The following TNC variants were observed in gnomAD, a reference collection of about 807,000 sequenced individuals.
TNC encodes tenascin C, also known as tenascin.
A neutral mutation model predicts 202.4 loss-of-function variants in TNC; 109 were observed. The ratio of observed to expected loss-of-function variants is 0.54; its 90% CI spans 0.46 to 0.63. TNC has a LOEUF of 0.63. Among genes scored for constraint, TNC ranks in the 30% least tolerant of loss-of-function variants. The probability of loss-of-function intolerance (pLI) is 0.00; values close to 1 mark genes in which losing one functional copy is unlikely to be tolerated. For synonymous variants in TNC, 1,007 were observed against 1,089.7 expected (o/e 0.92, Z 1.50); for missense variants, 2,756 against 2,833.3 (o/e 0.97, Z 0.62).
rs575644293 is a variant in TNC at position 115,038,284 on chromosome 9, A to G, written c.5489T>C (p.Val1830Ala). 10 of 1,613,988 alleles carry G rather than the reference A, an allele frequency of 6.2e-6. No individual in the cohort carries two copies. The highest frequency in any genetic ancestry group is 8.5e-6 in the Non-Finnish European group (10 of 1,179,968). ...ACCTTTCTCGCCTGTGTAGGAGATG[A>G]CATAACTGTCCACAGTGGCAATGGC... Reference protein sequence around the residue: ...QPAIATVDSYVISYTGEKVPE... With the variant: ...QPAIATVDSYAISYTGEKVPE... Residue 1830 changes from valine (V) to alanine (A), a missense_variant, in exon 20 of 28, where the codon GTC becomes GCC. This residue lies in a region of TNC where 2,559 missense variants were observed against 2,546.0 expected (regional missense o/e 1.01). Coordinates refer to ENST00000350763, the MANE Select transcript of TNC (RefSeq NM_002160.4).
chr9:115,076,052 G>A lies in TNC; in HGVS notation c.2930C>T (p.Ala977Val), dbSNP rs369919259. 1.1e-5 allele frequency: 17 copies of A among 1,614,070 alleles called. No homozygotes were observed. The highest frequency in any genetic ancestry group is 4.0e-5 in the African/African-American group (3 of 75,020). The change falls in exon 9 of 28, where the codon GCG (alanine) becomes GTG (valine). Residue 977 changes from alanine (A) to valine (V), a missense_variant. By Grantham distance (64) the Ala-to-Val change is moderately conservative. Around this residue, in one of 2 missense-constraint regions of TNC, gnomAD observed 2,559 missense variants for 2,546.0 expected, o/e 1.01. Coordinates refer to ENST00000350763, the MANE Select transcript of TNC (RefSeq NM_002160.4). ...AVKEDKESNPATINAATELDT... is the reference protein window; with the variant it reads ...AVKEDKESNPVTINAATELDT... ...CCCACCTGTGGCTGCGTTGATGGTC[G>A]CTGGATTGCTCTCCTTGTCTTCCTT...
At chr9:115,042,435 T>C (rs543400325) in intron 17 of TNC, 94 bp from the exon 18 acceptor site, 2 of 1,526,286 alleles carry the variant, frequency 1.3e-6, no homozygotes, top group South Asian at 1.2e-5. Flanking sequence ...GAAAACTCAG[T>C]GCCTAGAATT....
At chr9:115,042,043 C>CT (rs1253107061) in intron 18 of TNC, among the ~76,000 whole-genome samples, 176 bp downstream of exon 18, 31 of 152,224 alleles carry the variant, frequency 2.0e-4, no homozygotes, top group Admixed American at 2.0e-3. Flanking sequence ...AAAGTTTCTT[C>CT]TAAGAACCTC....
chr9:115,072,046 C>T (rs1353039318), intron 10 of TNC, among the ~76,000 whole-genome samples: 1 of 152,214 alleles, frequency 6.6e-6, no homozygotes, highest in Non-Finnish European at 1.5e-5. Context: ...TCATTGTCTG[C>T]CAAATTTCTC....
At chr9:115,113,224 T>C (rs1168025631) in intron 1 of TNC, among the ~76,000 whole-genome samples, 1 of 152,146 alleles carries the variant, frequency 6.6e-6, no homozygotes, top group Non-Finnish European at 1.5e-5. Flanking sequence ...AGAAGATGAA[T>C]AGAATTAGGG....
chr9:115,064,037 C>T lies in TNC; in HGVS notation c.3519G>A (p.Val1173=), dbSNP rs1236252873. ...GETPNLGEVV[V]AEVGWDALKL... is the part of the protein sequence containing the mutation. ...TGAGGGCATCCCAGCCCACCTCGGC[C>T]ACCACGACCTCTCCCAAATTGGGAG... Residue 1173 remains valine (V), a synonymous_variant, in exon 12 of 28, where the codon GTG becomes GTA. Transcript: ENST00000350763. 6.2e-7 allele frequency: 1 copy of T among 1,611,696 alleles called. No individual in the cohort carries two copies. The highest frequency in any genetic ancestry group is 1.1e-5 in the South Asian group (1 of 90,712).
At chr9:115,069,941 G>T (rs1186191745) in intron 10 of TNC, among the ~76,000 whole-genome samples, 4 of 151,250 alleles carry the variant, frequency 2.6e-5, no homozygotes, top group Non-Finnish European at 2.9e-5. Context: ...AAGAATTGGG[G>T]TGTTAATGCA....
At chr9:115,067,423 G>A (rs1833037327) in intron 10 of TNC, among the ~76,000 whole-genome samples, 1 of 152,184 alleles carries the variant, frequency 6.6e-6, no homozygotes, top group African/African-American at 2.4e-5. Flanking sequence ...TTAAGTTACT[G>A]TCTTTTTTCT....
chr9:115,045,807 G>A (rs1266678988), intron 17 of TNC, among the ~76,000 whole-genome samples: 3 of 151,806 alleles, frequency 2.0e-5, no homozygotes, highest in East Asian at 1.9e-4. Context: ...CAAAGTTAGA[G>A]AGCTTCATAA....
intron 7 of TNC, 43 bp downstream of exon 7, chr9:115,077,900 A>C (rs2133202095): frequency 6.3e-7 from 1 of 1,577,810 alleles, no homozygotes; most frequent in East Asian, 2.3e-5. Context: ...AAATCTTTCA[A>C]TCTTTCCTTT....
intron 1 of TNC, among the ~76,000 whole-genome samples, chr9:115,116,953 A>G (rs1837513157): frequency 6.6e-6 from 1 of 152,206 alleles, no homozygotes; most frequent in Admixed American, 6.5e-5. Context: ...TTTAACTTCC[A>G]GAGTGATGGC....
At chr9:115,110,369 C>T (rs1041917288) in intron 1 of TNC, among the ~76,000 whole-genome samples, 1 of 151,940 alleles carries the variant, frequency 6.6e-6, no homozygotes, top group African/African-American at 2.4e-5. Context: ...AATCTTGAGG[C>T]CCAGGAATGT....
In TNC at chr9:115,073,641, C is replaced by T; in HGVS notation, c.3176G>A (p.Arg1059Lys). ...CACACGTGCGGGCTTGCTCTTGTGT[C>T]TGCCTTTCTCGGCTGTCAGGAGGAC... The part of the protein sequence containing the change: ...YNVLLTAEKG[R>K]HKSKPARVKA... The change falls in exon 10 of 28, where the codon AGA (arginine) becomes AAA (lysine). Residue 1059 changes from arginine (R) to lysine (K), a missense_variant. Coordinates refer to ENST00000350763, the MANE Select transcript of TNC (RefSeq NM_002160.4). 1.2e-6 allele frequency: 2 copies of T among 1,614,172 alleles called. No individual in the cohort carries two copies. The highest frequency in any genetic ancestry group is 1.7e-6 in the Non-Finnish European group (2 of 1,180,024).
rs139271663 is a variant in TNC at position 115,116,879 on chromosome 9, G to A, written c.-137+1103C>T. On this transcript the variant is annotated intron_variant, in intron 1 of 27. Transcript: ENST00000350763. The stretch of plus-strand genomic sequence containing the variant: ...CCTCAGATTGGGTGAGATAAAAAGC[G>A]GGGGCTGGGGGCGGGCTGAGGAACA... 1.1e-3 allele frequency among the ~76,000 whole-genome samples: 165 copies of A among 152,266 alleles called. 3 individuals are homozygous for A. The East Asian group carries it at 0.029, about 27-fold the overall frequency.
intron 15 of TNC, among the ~76,000 whole-genome samples, chr9:115,056,110 C>T (rs556290103): frequency 1.1e-4 from 17 of 152,300 alleles, no homozygotes; most frequent in African/African-American, 2.2e-4. Flanking sequence ...TTTGATGCTA[C>T]GATGTCAACC....
rs1382823503 is a variant in TNC at position 115,086,720 on chromosome 9, T to C, written c.1011A>G (p.Thr337=). The change falls in exon 3 of 28, where the codon ACA becomes ACG. Residue 337 remains threonine (T), a synonymous_variant. Coordinates refer to ENST00000350763, the MANE Select transcript of TNC (RefSeq NM_002160.4). ...NGTCYCEEGF[T]GEDCGKPTCP... is the part of the protein sequence containing the mutation. ...AGGTGGGTTTCCCGCAGTCTTCACCTGTGAAGCCTTCTTCGCAGTAGCAGG... is the reference window on the plus strand; with the variant it reads ...AGGTGGGTTTCCCGCAGTCTTCACCCGTGAAGCCTTCTTCGCAGTAGCAGG... 1 of 1,613,986 alleles carries C rather than the reference T, an allele frequency of 6.2e-7. No homozygotes were observed. Among genetic ancestry groups the C allele is most frequent in the Non-Finnish European group, 8.5e-7 (1 of 1,179,996 alleles).
Position 115,086,601 on chromosome 9 carries a change from C to G in TNC, c.1130G>C (p.Cys377Ser), listed in dbSNP as rs747820616. ...GCCACGATTGTGACAGTCAGCAGGA[C>G]ACCTCTTCTCGCTGCAGTCCACACC... Reference protein sequence around the residue: ...FAGVDCSEKRCPADCHNRGRC... With the variant: ...FAGVDCSEKRSPADCHNRGRC... The change falls in exon 3 of 28, where the codon TGT (cysteine) becomes TCT (serine). Residue 377 changes from cysteine (C) to serine (S), a missense_variant. Physicochemically the swap from Cys to Ser is moderately radical, Grantham distance 112. This residue lies in a region of TNC where 2,559 missense variants were observed against 2,546.0 expected (regional missense o/e 1.01). Coordinates refer to ENST00000350763, the MANE Select transcript of TNC (RefSeq NM_002160.4). The G allele has an allele frequency of 6.2e-7, 1 of 1,614,194 alleles. No individual in the cohort carries two copies. The highest frequency in any genetic ancestry group is 1.1e-5 in the South Asian group (1 of 91,088).
In TNC at chr9:115,046,424, G is replaced by A. The variant is rs1217687731; in HGVS notation, c.5111C>T (p.Ala1704Val). ...SKGRRSQTVSAIATTAMGSPK... is the reference protein window; with the variant it reads ...SKGRRSQTVSVIATTAMGSPK... ...ATTTACAGTACCTGTTGTTGCTATA[G>A]CACTGACTGTCTGGGATCGCCTTCC... The change falls in exon 17 of 28, where the codon GCT becomes GTT. Residue 1704 changes from alanine (A) to valine (V), a missense_variant. Ala to Val is a moderately conservative substitution (Grantham distance 64). Transcript: ENST00000350763. 1.2e-6 allele frequency: 2 copies of A among 1,614,062 alleles called. No homozygotes were observed. The highest frequency in any genetic ancestry group is 1.3e-5 in the African/African-American group (1 of 75,010).
intron 18 of TNC, 64 bp from the exon 19 acceptor site, chr9:115,041,148 C>T (rs921221545): frequency 4.0e-6 from 6 of 1,515,518 alleles, no homozygotes; most frequent in East Asian, 4.6e-5. Context: ...CACTGTTGCC[C>T]CCAAAAAGAG....
Sources: gnomAD v4.1 joint callset for allele counts (sites outside exome capture counted in the v4.1 genomes callset) on GRCh38, gnomAD v4.1.1 for gene constraint, gnomAD v4.1.1 regional missense constraint, MANE v1.5 for transcripts, NCBI Gene and HGNC (gene_info 2026-07-23, HGNC 2026-07-21) for gene names.